The following DENND2B variants were observed in gnomAD, a reference collection of about 807,000 sequenced individuals.
The protein encoded by DENND2B is DENN domain containing 2B.
A neutral mutation model predicts 116.0 loss-of-function variants in DENND2B; 32 were observed. The observed-to-expected ratio is 0.28, with a 90% CI of 0.21 to 0.37. The LOEUF (loss-of-function observed/expected upper bound fraction) is 0.37, where lower values mean the gene tolerates loss of function less well. Ranked by LOEUF, DENND2B falls within the 10% of genes least tolerant of loss-of-function variation. The pLI, the probability that DENND2B is intolerant of heterozygous loss-of-function variation, is 1.00. For synonymous variants in DENND2B, 588 were observed against 583.9 expected (o/e 1.01, Z -0.10); for missense variants, 1,276 against 1,477.7 (o/e 0.86, Z 2.24).
chr11:8,860,222 T>A (rs2063346559), intron 2 of DENND2B, among the ~76,000 whole-genome samples: 4 of 152,190 alleles, frequency 2.6e-5, no homozygotes, highest in Admixed American at 2.0e-4. Context: ...ATAAAGGGCA[T>A]CCAAATTGGA....
intron 1 of DENND2B, among the ~76,000 whole-genome samples, chr11:8,756,530 G>A (rs2173999): frequency 0.64 from 97,756 of 152,078 alleles, 31,603 homozygotes; most frequent in Non-Finnish European, 0.68. Context: ...GAACCTCACA[G>A]GGGCGCACTA....
intron 2 of DENND2B, among the ~76,000 whole-genome samples, chr11:8,866,563 G>A (rs2063588122): frequency 6.6e-6 from 1 of 152,170 alleles, no homozygotes; most frequent in African/African-American, 2.4e-5. Context: ...AGAGGCTACA[G>A]AGAAAATAAA....
intron 1 of DENND2B, among the ~76,000 whole-genome samples, chr11:8,901,229 C>CTTTTTTTTTTTTTTT (rs1555223231): frequency 2.4e-5 from 2 of 83,920 alleles, no homozygotes; most frequent in Non-Finnish European, 4.4e-5. Context: ...CTTTTCTTTT[C>CTTTTTTTTTTTTTTT]TTTTTTTTTT....
At chr11:8,876,878 C>CA (rs34676489) in intron 2 of DENND2B, among the ~76,000 whole-genome samples, 132 of 122,658 alleles carry the variant, frequency 1.1e-3, no homozygotes, top group African/African-American at 1.4e-3. Context: ...GATTCCGTCT[C>CA]AAAAAAAAAA....
At position 8,869,367 on chromosome 11, in the gene DENND2B, A is replaced by G. The variant is rs982250808; in HGVS notation, c.-250+1587T>C. Among the ~76,000 whole-genome samples, 9 of 152,202 alleles carry G rather than the reference A, an allele frequency of 5.9e-5. 1 individual carries two copies. Among genetic ancestry groups the G allele is most frequent in the Admixed American group, 6.5e-5 (1 of 15,276 alleles). ...ATCTTGGGGAGTTTTTCCAAAGGTA[A>G]TATTTGCCAGATAGCCTGGGCCCAG... On this transcript the variant is annotated intron_variant, in intron 2 of 6. Coordinates refer to the DENND2B transcript ENST00000524757.
chr11:8,793,568 T>C (rs10769958), intron 1 of DENND2B, among the ~76,000 whole-genome samples: 80,832 of 152,074 alleles, frequency 0.53, 21,685 homozygotes, highest in South Asian at 0.66. Flanking sequence ...TTACTGTGTT[T>C]ATACATTTTC....
At chr11:8,817,473 G>C (rs1421879824) in intron 4 of DENND2B, among the ~76,000 whole-genome samples, 2 of 152,090 alleles carry the variant, frequency 1.3e-5, no homozygotes, top group Non-Finnish European at 2.9e-5. Flanking sequence ...ATGATAGGAA[G>C]TTTTCCCAGG....
chr11:8,805,700 G>A (rs1300980128), intron 1 of DENND2B, among the ~76,000 whole-genome samples: 2 of 152,160 alleles, frequency 1.3e-5, no homozygotes, highest in African/African-American at 4.8e-5. Flanking sequence ...AACTGCAGCA[G>A]GTCTATGCTG....
rs1327964314 is a variant in DENND2B at position 8,707,859 on chromosome 11, G to A, written c.2353-5C>T. On this transcript the variant is annotated splice_region_variant and splice_polypyrimidine_tract_variant and intron_variant, in intron 11 of 19. Coordinates refer to ENST00000313726, the MANE Select transcript of DENND2B (RefSeq NM_213618.2). This position sits in a 1 kb window ranked among gnomAD's most constrained non-coding sequence, Gnocchi z 4.8. ...CCGGGGCCCTTTCCCACTTGGCTGG[G>A]CCAGGACAAGGAGGAGGAGGAGAGA... 7 of 1,606,502 alleles carry A rather than the reference G, an allele frequency of 4.4e-6. No homozygotes were observed. In the Admixed American group the frequency reaches 1.2e-4, roughly 27 times the overall value.
intron 13 of DENND2B, 102 bp downstream of exon 13, chr11:8,706,983 G>A: frequency 7.0e-7 from 1 of 1,420,476 alleles, no homozygotes; most frequent in Non-Finnish European, 9.5e-7. Flanking sequence ...TGAGCAAGGA[G>A]GGACCGTGCT....
chr11:8,805,848 A>G (rs578146210), intron 1 of DENND2B, among the ~76,000 whole-genome samples: 44 of 152,158 alleles, frequency 2.9e-4, no homozygotes, highest in Non-Finnish European at 6.2e-4. Context: ...CTCTTGGCCC[A>G]GACACTCCGT....
At chr11:8,713,458 C>T (rs1240207615) in intron 8 of DENND2B, among the ~76,000 whole-genome samples, 1 of 152,154 alleles carries the variant, frequency 6.6e-6, no homozygotes, top group Non-Finnish European at 1.5e-5. Context: ...CAGCTCACTA[C>T]AACCTCCGCC....
At chr11:8,788,091 G>T (rs2059075441) in intron 1 of DENND2B, among the ~76,000 whole-genome samples, 1 of 152,120 alleles carries the variant, frequency 6.6e-6, no homozygotes, top group African/African-American at 2.4e-5. Context: ...AGAAAATGCT[G>T]GGGTGGGTTC....
rs149519927 is a variant in DENND2B at position 8,750,636 on chromosome 11, C to T, written c.65G>A (p.Arg22Gln). ...THGAGGTKAP[R>Q]GTLSRSQSVS... ...CCTTACCCACCTGCTCAGAGTCCCC[C>T]GAGGGGCTTTAGTGCCACCAGCTCC... The change falls in exon 2 of 20, where the codon CGG becomes CAG. Residue 22 changes from arginine to glutamine, a missense_variant. By Grantham distance (43) the Arg-to-Gln change is conservative. This residue lies in a region of DENND2B where 856 missense variants were observed against 846.6 expected (regional missense o/e 1.01). Coordinates refer to ENST00000313726, the MANE Select transcript of DENND2B (RefSeq NM_213618.2). The T allele has an allele frequency of 3.3e-5, 53 of 1,614,022 alleles. No homozygotes were observed. Among genetic ancestry groups the T allele is most frequent in the African/African-American group, 6.7e-5 (5 of 74,908 alleles).
chr11:8,872,548 C>T (rs181245312), upstream of DENND2B, among the ~76,000 whole-genome samples: 13 of 150,082 alleles, frequency 8.7e-5, no homozygotes, highest in East Asian at 1.7e-3. Flanking sequence ...TGGTCAAGAT[C>T]GAACACAAGT....
intron 2 of DENND2B, among the ~76,000 whole-genome samples, chr11:8,878,481 C>T (rs556300936): frequency 1.3e-5 from 2 of 152,114 alleles, no homozygotes; most frequent in African/African-American, 4.8e-5. Context: ...CCTCCACCTC[C>T]TGGGTTCAAG....
At chr11:8,790,421 G>A (rs1274929393) in intron 1 of DENND2B, among the ~76,000 whole-genome samples, 3 of 152,170 alleles carry the variant, frequency 2.0e-5, no homozygotes, top group African/African-American at 4.8e-5. Flanking sequence ...CCTAACGAAT[G>A]TATGCTGATT....
chr11:8,899,073 C>A (rs1490551247), intron 1 of DENND2B, among the ~76,000 whole-genome samples: 3 of 151,788 alleles, frequency 2.0e-5, no homozygotes, highest in African/African-American at 4.8e-5. Context: ...AATGAAAATT[C>A]ACTAGAGGGG....
intron 1 of DENND2B, among the ~76,000 whole-genome samples, chr11:8,908,210 C>G (rs988474607): frequency 6.6e-6 from 1 of 152,088 alleles, no homozygotes; most frequent in Non-Finnish European, 1.5e-5. Context: ...GAAAAGTACA[C>G]ACAAAAAATT....
Sources: gnomAD v4.1 joint callset for allele counts (sites outside exome capture counted in the v4.1 genomes callset) on GRCh38, gnomAD v4.1.1 for gene constraint, gnomAD v4.1.1 regional missense constraint, Gnocchi (gnomAD v3.1) non-coding constraint, MANE v1.5 for transcripts, NCBI Gene and HGNC (gene_info 2026-07-23, HGNC 2026-07-21) for gene names.